PIP5K1B: variants seen among roughly 807,000 people sequenced by gnomAD.
The protein encoded by PIP5K1B is phosphatidylinositol 4-phosphate 5-kinase type-1 beta.
In PIP5K1B, 42 loss-of-function variants were observed where a neutral mutation model predicts 67.0. That is an observed-to-expected ratio of 0.63 (90% CI 0.49 to 0.81). The LOEUF (loss-of-function observed/expected upper bound fraction) is 0.81. PIP5K1B is among the 30% of genes least tolerant of loss of function. The probability of loss-of-function intolerance (pLI) is 0.00; values close to 1 mark genes in which losing one functional copy is unlikely to be tolerated. For missense variants in PIP5K1B, 459 were observed against 646.3 expected, an observed-to-expected ratio of 0.71 and a Z score of 3.14; for synonymous variants, 214 against 231.4, an observed-to-expected ratio of 0.92 and a Z score of 0.68.
intron 15 of PIP5K1B, among the ~76,000 whole-genome samples, chr9:68,996,160 T>C (rs1188237129): frequency 6.6e-6 from 1 of 152,268 alleles, no homozygotes; most frequent in Non-Finnish European, 1.5e-5. Flanking sequence ...GCCCACCAGA[T>C]AACATATGAA....
Position 68,876,705 on chromosome 9 carries a change from C to G in PIP5K1B, c.229C>G (p.His77Asp), listed in dbSNP as rs1398611479. The G allele has an allele frequency of 6.2e-7, 1 of 1,606,254 alleles. No homozygotes were observed. Residue 77 changes from histidine to aspartate, a missense_variant, in exon 6 of 16, where the codon CAC becomes GAC. Physicochemically the swap from His to Asp is moderately conservative, Grantham distance 81 (BLOSUM62 -1). Around this residue, in one of 2 missense-constraint regions of PIP5K1B, gnomAD observed 290 missense variants for 474.4 expected, o/e 0.61. Transcript: ENST00000265382. Reference sequence around the variant, plus strand: ...AGGGAGCAATCTGACCCCAGCACATCACTACCCAGACTTTAGATTTAAGAC... The same window carrying G: ...AGGGAGCAATCTGACCCCAGCACATGACTACCCAGACTTTAGATTTAAGAC... ...SEGSNLTPAH[H>D]YPDFRFKTYA...
chr9:68,963,024 C>G (rs921603569), intron 14 of PIP5K1B, among the ~76,000 whole-genome samples: 1 of 152,176 alleles, frequency 6.6e-6, no homozygotes, highest in Non-Finnish European at 1.5e-5. Context: ...TTGAAAAGAA[C>G]CTTTATCTCA....
At chr9:68,923,237 C>T in intron 11 of PIP5K1B, 65 bp from the exon 12 acceptor site, 3 of 889,012 alleles carry the variant, frequency 3.4e-6, no homozygotes, top group South Asian at 1.5e-5. Context: ...TTGCATAGAT[C>T]TCTCTTCTGA....
In PIP5K1B at chr9:68,723,254, A is replaced by G. The variant is rs914051848; in HGVS notation, c.-243+17492A>G. Among the ~76,000 whole-genome samples the G allele has an allele frequency of 3.3e-5, 5 of 152,232 alleles. No homozygotes were observed. The South Asian group carries it at 8.3e-4, about 25-fold the overall frequency. On this transcript the variant is annotated intron_variant, in intron 1 of 15. Transcript: ENST00000265382. ...CATTCATCCACTGATGGACACTTAC[A>G]TTGATTCTATGTGTTGACTATTGTG...
chr9:68,708,403 A>G (rs1421036869), intron 1 of PIP5K1B, among the ~76,000 whole-genome samples: 1 of 152,236 alleles, frequency 6.6e-6, no homozygotes, highest in Non-Finnish European at 1.5e-5. Flanking sequence ...TAATTTGCCT[A>G]CAGGCATGTG....
At chr9:68,735,316 C>CTTTATTTTTTTTTTT (rs1828674199) in intron 1 of PIP5K1B, among the ~76,000 whole-genome samples, 1 of 29,768 alleles carries the variant, frequency 3.4e-5, no homozygotes, top group African/African-American at 1.3e-4. Flanking sequence ...CCCCTAGTGT[C>CTTTATTTTTTTTTTT]TTTTTTTTTT....
chr9:68,869,729 G>A (rs1016594994), intron 5 of PIP5K1B, among the ~76,000 whole-genome samples: 25 of 152,172 alleles, frequency 1.6e-4, no homozygotes, highest in African/African-American at 5.8e-4. Flanking sequence ...CGTAATCCCA[G>A]CACTTTGGGA....
At chr9:68,707,705 T>C (rs986296459) in intron 1 of PIP5K1B, 6 of 152,174 alleles carry the variant, frequency 3.9e-5, no homozygotes, top group Non-Finnish European at 5.9e-5. Context: ...TGATGTCCAG[T>C]CCATTGCTTT....
chr9:68,817,864 T>C (rs1199639713), intron 2 of PIP5K1B, among the ~76,000 whole-genome samples: 1 of 152,050 alleles, frequency 6.6e-6, no homozygotes, highest in Admixed American at 6.5e-5. Context: ...CCTAATTCCT[T>C]TTTACTTTAT....
chr9:68,824,172 A>AGATGATTAC (rs752629349), intron 4 of PIP5K1B: 5 of 518,920 alleles, frequency 9.6e-6, no homozygotes, highest in Non-Finnish European at 1.9e-5. Flanking sequence ...ACCAACACAG[A>AGATGATTAC]GATGATTACG....
chr9:68,877,163 A>G (rs1338389985), intron 6 of PIP5K1B, among the ~76,000 whole-genome samples: 2 of 152,214 alleles, frequency 1.3e-5, no homozygotes, highest in East Asian at 1.9e-4. Context: ...ATTCCTCTCA[A>G]CTACCTTGGC....
At chr9:68,737,517 T>A (rs1391206891) in intron 1 of PIP5K1B, among the ~76,000 whole-genome samples, 1 of 152,144 alleles carries the variant, frequency 6.6e-6, no homozygotes. Context: ...TGGATGACAA[T>A]GAAAGAAAAT....
intron 8 of PIP5K1B, among the ~76,000 whole-genome samples, chr9:68,902,407 G>A (rs1317957523): frequency 1.3e-5 from 2 of 152,122 alleles, no homozygotes. Flanking sequence ...TCAGCATAAT[G>A]CCATTGATAT....
intron 15 of PIP5K1B, among the ~76,000 whole-genome samples, chr9:69,002,218 A>T (rs888514633): frequency 6.6e-6 from 1 of 152,248 alleles, no homozygotes; most frequent in Non-Finnish European, 1.5e-5. Flanking sequence ...TCCTTCAAGG[A>T]TGGCGAAAGT....
chr9:68,823,755 A>AT (rs1441812600), intron 4 of PIP5K1B, among the ~76,000 whole-genome samples: 1 of 152,022 alleles, frequency 6.6e-6, no homozygotes, highest in Non-Finnish European at 1.5e-5. Context: ...TTATTTCTTA[A>AT]TTTTTCCTTT....
At chr9:68,900,872 A>T (rs1328610289) in intron 8 of PIP5K1B, among the ~76,000 whole-genome samples, 1 of 152,206 alleles carries the variant, frequency 6.6e-6, no homozygotes, top group African/African-American at 2.4e-5. Flanking sequence ...CTTTCTATGT[A>T]AGGCAAGTTC....
At chr9:68,712,698 G>A (rs1012157687) in intron 1 of PIP5K1B, among the ~76,000 whole-genome samples, 6 of 152,208 alleles carry the variant, frequency 3.9e-5, no homozygotes, top group South Asian at 2.1e-4. Flanking sequence ...AATGATGACC[G>A]AACCCTTTAG....
intron 4 of PIP5K1B, among the ~76,000 whole-genome samples, chr9:68,838,721 C>T (rs1821761352): frequency 6.6e-6 from 1 of 152,100 alleles, no homozygotes. Context: ...GGTAACAAAC[C>T]TGCACTTGTA....
chr9:68,813,174 C>G (rs1359687985), intron 2 of PIP5K1B, among the ~76,000 whole-genome samples: 3 of 152,206 alleles, frequency 2.0e-5, no homozygotes. Context: ...ACTGGGCCAT[C>G]TACATGCCAC....
Sources: gnomAD v4.1 joint callset for allele counts (sites outside exome capture counted in the v4.1 genomes callset) on GRCh38, gnomAD v4.1.1 for gene constraint, gnomAD v4.1.1 regional missense constraint, MANE v1.5 for transcripts, NCBI Gene and HGNC (gene_info 2026-07-23, HGNC 2026-07-21) for gene names.